The following NBAS variants were observed in gnomAD, a reference collection of about 807,000 sequenced individuals.
NBAS encodes the protein NBAS subunit of NRZ tethering complex.
NBAS carries 219 observed loss-of-function variants against 302.5 expected under a neutral mutation model. That is an observed-to-expected ratio of 0.72 (90% CI 0.65 to 0.81). The LOEUF (loss-of-function observed/expected upper bound fraction) is 0.81, where lower values mean the gene tolerates loss of function less well. NBAS is among the 30% of genes least tolerant of loss of function. The pLI is 0.00. For missense variants in NBAS, 2,932 were observed against 2,841.6 expected (o/e 1.03, Z -0.72); for synonymous variants, 1,118 against 1,021.6 (o/e 1.09, Z -1.80).
the NBAS span, among the ~76,000 whole-genome samples, chr2:14,905,995 G>A: frequency 1.2e-4 from 19 of 152,208 alleles, no homozygotes; most frequent in Admixed American, 7.9e-4. Flanking sequence ...TTATCAAATC[G>A]GGAGCTTCCC....
chr2:15,183,781 C>T (rs77300905), intron 50 of NBAS, among the ~76,000 whole-genome samples: 2,827 of 152,234 alleles, frequency 0.019, 82 homozygotes, highest in African/African-American at 0.062. Flanking sequence ...AAAGAGCAGA[C>T]GCAGTACATC....
At chr2:15,408,470 T>C (rs1340257584) in intron 25 of NBAS, among the ~76,000 whole-genome samples, 2 of 152,246 alleles carry the variant, frequency 1.3e-5, no homozygotes, top group African/African-American at 4.8e-5. Flanking sequence ...TTCCCCACTC[T>C]TTATCATTCC....
chr2:15,272,325 T>A (rs1226267850), intron 44 of NBAS, among the ~76,000 whole-genome samples: 1 of 152,252 alleles, frequency 6.6e-6, no homozygotes, highest in African/African-American at 2.4e-5. Flanking sequence ...GTATGAATAG[T>A]ACACATTTAT....
At chr2:15,489,432 A>G (rs1043155636) in intron 11 of NBAS, among the ~76,000 whole-genome samples, 5 of 152,212 alleles carry the variant, frequency 3.3e-5, no homozygotes, top group Non-Finnish European at 1.5e-5. Context: ...TGTCTGAAGT[A>G]TGCTATATAT....
At chr2:14,844,965 G>A in the NBAS span, among the ~76,000 whole-genome samples, 1 of 152,196 alleles carries the variant, frequency 6.6e-6, no homozygotes, top group Non-Finnish European at 1.5e-5. Flanking sequence ...ACCAAATGGG[G>A]TCCAGCAGAA....
chr2:14,967,087 C>A, the NBAS span, among the ~76,000 whole-genome samples: 1 of 151,958 alleles, frequency 6.6e-6, no homozygotes, highest in Non-Finnish European at 1.5e-5. Context: ...GATAAATCTG[C>A]CACAAATGAG....
chr2:15,557,172 T>TA (rs1432355072), intron 2 of NBAS, among the ~76,000 whole-genome samples: 3 of 152,136 alleles, frequency 2.0e-5, no homozygotes, highest in Non-Finnish European at 4.4e-5. Flanking sequence ...AATATTTGTA[T>TA]AAAAAATTAA....
intron 6 of NBAS, among the ~76,000 whole-genome samples, chr2:15,540,144 A>G (rs1663732967): frequency 6.6e-6 from 1 of 152,176 alleles, no homozygotes; most frequent in Non-Finnish European, 1.5e-5. Flanking sequence ...GAATCTCAGA[A>G]CTGAAGAGTT....
chr2:15,018,624 T>C, the NBAS span, among the ~76,000 whole-genome samples: 2 of 151,248 alleles, frequency 1.3e-5, no homozygotes, highest in African/African-American at 2.4e-5. Context: ...TTGTTTTGCA[T>C]AGATTATTTT....
the NBAS span, among the ~76,000 whole-genome samples, chr2:15,129,986 C>T: frequency 1.4e-4 from 22 of 152,278 alleles, no homozygotes; most frequent in Admixed American, 8.5e-4. Context: ...CATGATGTTG[C>T]GCAGCCCTCA....
At chr2:15,034,617 T>C in the NBAS span, among the ~76,000 whole-genome samples, 1 of 152,182 alleles carries the variant, frequency 6.6e-6, no homozygotes, top group African/African-American at 2.4e-5. Flanking sequence ...ACTTCCAGCT[T>C]TGAAACTATG....
At chr2:15,271,957 T>C (rs1295781193) in intron 44 of NBAS, among the ~76,000 whole-genome samples, 1 of 152,240 alleles carries the variant, frequency 6.6e-6, no homozygotes, top group African/African-American at 2.4e-5. Context: ...AAATACACTT[T>C]AAACATTTGC....
chr2:14,829,121 G>A, the NBAS span, among the ~76,000 whole-genome samples: 1 of 151,694 alleles, frequency 6.6e-6, no homozygotes, highest in Non-Finnish European at 1.5e-5. Context: ...ACAGGATGAG[G>A]CCCAGAATAG....
intron 48 of NBAS, among the ~76,000 whole-genome samples, chr2:15,212,052 A>C (rs1030034721): frequency 6.6e-6 from 1 of 152,220 alleles, no homozygotes; most frequent in Admixed American, 6.5e-5. Flanking sequence ...TAACTTAGGC[A>C]AAAATCAGAG....
the NBAS span, among the ~76,000 whole-genome samples, chr2:15,108,219 T>C: frequency 6.6e-6 from 1 of 152,164 alleles, no homozygotes; most frequent in Admixed American, 6.6e-5. Flanking sequence ...TCATATGGTA[T>C]GTTCATGTTT....
chr2:14,867,619 G>C, the NBAS span, among the ~76,000 whole-genome samples: 1 of 152,130 alleles, frequency 6.6e-6, no homozygotes. Flanking sequence ...ATGAATGTAA[G>C]GAACGGTTAT....
chr2:15,558,248 C>T (rs115992462), intron 2 of NBAS, among the ~76,000 whole-genome samples: 1 of 152,318 alleles, frequency 6.6e-6, no homozygotes, highest in African/African-American at 2.4e-5. Flanking sequence ...ACTCACCCAT[C>T]GCTCACCTCC....
intron 5 of NBAS, among the ~76,000 whole-genome samples, chr2:15,552,583 T>C (rs945954750): frequency 1.3e-5 from 2 of 152,210 alleles, no homozygotes; most frequent in African/African-American, 4.8e-5. Flanking sequence ...CAGTTGCTAT[T>C]GTTGCTATTT....
At chr2:15,451,031 C>T (rs1468559329) in intron 21 of NBAS, among the ~76,000 whole-genome samples, 1 of 152,048 alleles carries the variant, frequency 6.6e-6, no homozygotes, top group Non-Finnish European at 1.5e-5. Context: ...TAGCTTCATT[C>T]ATTCATTCAT....
Sources: gnomAD v4.1 joint callset for allele counts (sites outside exome capture counted in the v4.1 genomes callset) on GRCh38, gnomAD v4.1.1 for gene constraint, MANE v1.5 for transcripts, NCBI Gene and HGNC (gene_info 2026-07-23, HGNC 2026-07-21) for gene names.